Variants in B4GALNT3 observed in about 807,000 individuals in gnomAD.
B4GALNT3 encodes the protein beta-1,4-N-acetylgalactosaminyltransferase 3.
Under a neutral mutation model 120.2 loss-of-function variants are expected in B4GALNT3, and 86 were observed. The observed-to-expected ratio is 0.72, with a 90% CI of 0.60 to 0.86. B4GALNT3 has a LOEUF of 0.86. B4GALNT3 is among the 40% of genes least tolerant of loss of function. The pLI is 0.00. For missense variants in B4GALNT3, 1,167 were observed against 1,298.9 expected, an observed-to-expected ratio of 0.90 and a Z score of 1.56; for synonymous variants, 518 against 510.4, an observed-to-expected ratio of 1.01 and a Z score of -0.20.
chr12:519,462 G>A (rs572456473), intron 1 of B4GALNT3, among the ~76,000 whole-genome samples: 4 of 152,230 alleles, frequency 2.6e-5, no homozygotes, highest in South Asian at 4.2e-4. Context: ...AATGAGAGTC[G>A]CACAGATCTG....
intron 1 of B4GALNT3, among the ~76,000 whole-genome samples, chr12:512,945 T>G (rs1164678461): frequency 7.1e-6 from 1 of 140,990 alleles, no homozygotes; most frequent in Non-Finnish European, 1.5e-5. Context: ...ACCTTCCACC[T>G]TCTTCCACCT....
At chr12:474,362 G>A (rs1436261119) in intron 1 of B4GALNT3, among the ~76,000 whole-genome samples, 2 of 152,094 alleles carry the variant, frequency 1.3e-5, no homozygotes, top group African/African-American at 4.8e-5. Context: ...CACTTTTTCC[G>A]CACGTCCATT....
rs1947236314 is a variant in B4GALNT3, at chr12:561,899, G to C, written c.*448G>C. 1 of 159,542 alleles carries C rather than the reference G, an allele frequency of 6.3e-6. No homozygotes were observed. The highest frequency in any genetic ancestry group is 6.4e-5 in the Admixed American group (1 of 15,578). 9.9% of individuals were successfully genotyped at this position (159,542 alleles called of 1,614,324 possible). On this transcript the variant is annotated 3_prime_UTR_variant, in exon 20 of 20. Coordinates refer to ENST00000266383, the MANE Select transcript of B4GALNT3 (RefSeq NM_173593.4). ...AACAGAAAACCGAAACTGCTGTCCAGAGCGGGGGTGAGGTTGTGCACTGAG... is the reference window on the plus strand; with the variant it reads ...AACAGAAAACCGAAACTGCTGTCCACAGCGGGGGTGAGGTTGTGCACTGAG...
At chr12:532,525 G>A (rs1946818489) in intron 1 of B4GALNT3, among the ~76,000 whole-genome samples, 1 of 152,216 alleles carries the variant, frequency 6.6e-6, no homozygotes, top group South Asian at 2.1e-4. Context: ...AGCCAGCAGA[G>A]TTAAGGGGTC....
intron 1 of B4GALNT3, among the ~76,000 whole-genome samples, chr12:477,479 T>C (rs1168124565): frequency 6.6e-6 from 1 of 152,208 alleles, no homozygotes. Context: ...TTATTGTTGA[T>C]GTTGAATTGA....
chr12:494,783 G>A (rs919192097), intron 1 of B4GALNT3, among the ~76,000 whole-genome samples: 2 of 151,620 alleles, frequency 1.3e-5, no homozygotes, highest in African/African-American at 4.8e-5. Context: ...GATGGGGGGA[G>A]TAAACTGGAA....
intron 1 of B4GALNT3, among the ~76,000 whole-genome samples, chr12:468,529 G>A (rs976047118): frequency 6.6e-6 from 1 of 152,126 alleles, no homozygotes; most frequent in African/African-American, 2.4e-5. Context: ...TAAAATTGGA[G>A]GCATCCTTGA....
intron 1 of B4GALNT3, among the ~76,000 whole-genome samples, chr12:529,383 G>A (rs952292592): frequency 5.3e-5 from 8 of 152,154 alleles, no homozygotes; most frequent in African/African-American, 1.4e-4. Context: ...ATGGACTTGC[G>A]CCATCCGCTG....
At chr12:512,439 TCTTC>T (rs1946594112) in intron 1 of B4GALNT3, among the ~76,000 whole-genome samples, 1 of 93,570 alleles carries the variant, frequency 1.1e-5, no homozygotes. Context: ...CCGCCTTCCA[TCTTC>T]CTTCCACCTT....
intron 1 of B4GALNT3, among the ~76,000 whole-genome samples, chr12:463,940 T>C (rs763613233): frequency 3.3e-5 from 5 of 152,212 alleles, no homozygotes; most frequent in Non-Finnish European, 5.9e-5. Flanking sequence ...AGAAAGCAGT[T>C]GAAAGTTTTA....
intron 1 of B4GALNT3, among the ~76,000 whole-genome samples, chr12:507,606 C>T (rs1413603853): frequency 1.3e-5 from 2 of 151,854 alleles, no homozygotes; most frequent in African/African-American, 2.4e-5. Context: ...CCTCACCCCA[C>T]ACCCTACGCC....
Position 550,785 on chromosome 12 carries a change from G to A in B4GALNT3, c.998-137G>A. The A allele has an allele frequency of 1.5e-6, 1 of 686,356 alleles. No homozygotes were observed. The highest frequency in any genetic ancestry group is 2.5e-6 in the Non-Finnish European group (1 of 406,202). 42.5% of individuals were successfully genotyped at this position (686,356 alleles called of 1,614,324 possible). The stretch of plus-strand genomic sequence containing the variant: ...CAGGTGCGTGGGGCAGCCTCCAGCT[G>A]GCAGCCTCAGCCACAGACGTCGGCA... On this transcript the variant is annotated intron_variant, in intron 10 of 19. Transcript: ENST00000266383. The surrounding 1 kb of genome is among the most constrained non-coding windows in gnomAD (Gnocchi z 4.1).
chr12:515,312 G>A (rs938434738), intron 1 of B4GALNT3, among the ~76,000 whole-genome samples: 5 of 151,898 alleles, frequency 3.3e-5, no homozygotes, highest in Admixed American at 6.6e-5. Flanking sequence ...TCAGCCTCCC[G>A]AGTACTGAGT....
intron 1 of B4GALNT3, among the ~76,000 whole-genome samples, chr12:474,034 G>C (rs1946161069): frequency 6.6e-6 from 1 of 152,138 alleles, no homozygotes; most frequent in Non-Finnish European, 1.5e-5. Flanking sequence ...TTGGAGAATG[G>C]GAGCTGGGTA....
In B4GALNT3 at chr12:556,423, C is replaced by A; in HGVS notation, c.2061-124C>A. On this transcript the variant is annotated intron_variant, in intron 14 of 19. Coordinates refer to ENST00000266383, the MANE Select transcript of B4GALNT3 (RefSeq NM_173593.4). ...TCTTGCCTGAGGCCCTATAGCCAGC[C>A]AGTGGCAAAGCTAGGACAAAAACCA... 4.4e-6 allele frequency: 4 copies of A among 907,830 alleles called. No individual in the cohort carries two copies. The South Asian group carries it at 5.0e-5, about 11-fold the overall frequency. The allele number at this position is 907,830 out of a possible 1,614,324, so 56.2% of individuals were successfully genotyped here. A position where few individuals can be genotyped will look rare whatever the true frequency, so the allele number is the denominator to read the frequency against.
intron 1 of B4GALNT3, among the ~76,000 whole-genome samples, chr12:506,993 G>A (rs1262387333): frequency 6.6e-6 from 1 of 152,194 alleles, no homozygotes; most frequent in Non-Finnish European, 1.5e-5. Context: ...ACCCAACATT[G>A]CAAAGGTAGT....
At chr12:481,793 T>TGCCTCA (rs939365305) in intron 1 of B4GALNT3, among the ~76,000 whole-genome samples, 2 of 152,160 alleles carry the variant, frequency 1.3e-5, no homozygotes, top group African/African-American at 4.8e-5. Context: ...GGCATATTCC[T>TGCCTCA]GCCTCAGCCT....
intron 1 of B4GALNT3, among the ~76,000 whole-genome samples, chr12:475,946 C>T (rs1304941030): frequency 2.0e-5 from 3 of 152,204 alleles, no homozygotes; most frequent in African/African-American, 7.2e-5. Context: ...GCCCGTGTTT[C>T]CTCCGTATGG....
intron 1 of B4GALNT3, among the ~76,000 whole-genome samples, chr12:511,904 G>C (rs111219626): frequency 5.2e-5 from 3 of 57,372 alleles, no homozygotes; most frequent in Admixed American, 2.4e-4. Flanking sequence ...TCCACCTTCC[G>C]CCTTCGACCT....
Sources: gnomAD v4.1 joint callset for allele counts (sites outside exome capture counted in the v4.1 genomes callset) on GRCh38, gnomAD v4.1.1 for gene constraint, Gnocchi (gnomAD v3.1) non-coding constraint, MANE v1.5 for transcripts, NCBI Gene and HGNC (gene_info 2026-07-23, HGNC 2026-07-21) for gene names.